The following PAM16 variants were observed in gnomAD, a reference collection of about 807,000 sequenced individuals.
The protein encoded by PAM16 is presequence translocase associated motor 16.
A neutral mutation model predicts 17.9 loss-of-function variants in PAM16; 11 were observed. That is an observed-to-expected ratio of 0.62 (90% confidence interval 0.39 to 1.02). The LOEUF is 1.02. PAM16 is among the 50% of genes least tolerant of loss of function. PAM16 has a pLI of 0.01. For missense variants in PAM16, 199 were observed against 165.4 expected (o/e 1.20, Z -1.11); for synonymous variants, 72 against 67.4 (o/e 1.07, Z -0.34).
At chr16:4,343,337 C>T in intron 1 of PAM16, 46 bp from the exon 2 acceptor site, 1 of 1,562,914 alleles carries the variant, frequency 6.4e-7, no homozygotes, top group Non-Finnish European at 8.7e-7. Context: ...TCCCTGTGGG[C>T]CCACAGAGAT....
At chr16:4,343,150 GA>G in intron 2 of PAM16, 56 bp downstream of exon 2, 3 of 1,610,728 alleles carry the variant, frequency 1.9e-6, no homozygotes, top group Non-Finnish European at 2.5e-6. Context: ...TGGCTACGGG[GA>G]AAATCTGACC....
intron 1 of PAM16, among the ~76,000 whole-genome samples, chr16:4,344,569 T>C (rs866431643): frequency 1.5e-3 from 38 of 25,864 alleles, no homozygotes; most frequent in South Asian, 3.7e-3. Context: ...GAGGGGGTTC[T>C]GTGAGAGGAG....
At position 4,343,259 on chromosome 16, in the gene PAM16, G is replaced by A. The variant is rs750649493; in HGVS notation, c.36C>T (p.Gly12=). 1.4e-5 allele frequency: 23 copies of A among 1,612,670 alleles called. No individual in the cohort carries two copies. The highest frequency in any genetic ancestry group is 1.3e-4 in the East Asian group (6 of 44,882). Reference sequence around the variant, plus strand: ...CAAAGGCCCTGCCCACCACCTGCACGCCCATCACAATGATCTGGGCCAGGT... The same window carrying A: ...CAAAGGCCCTGCCCACCACCTGCACACCCATCACAATGATCTGGGCCAGGT... The part of the protein sequence containing the change: ...AKYLAQIIVM[G]VQVVGRAFAR... Residue 12 remains glycine (G), a synonymous_variant, in exon 2 of 5, where the codon GGC becomes GGT. Coordinates refer to ENST00000318059, the MANE Select transcript of PAM16 (RefSeq NM_016069.11).
intron 1 of PAM16, among the ~76,000 whole-genome samples, chr16:4,348,855 C>T (rs945905597): frequency 1.3e-5 from 2 of 151,820 alleles, no homozygotes; most frequent in Non-Finnish European, 2.9e-5. Context: ...GAGGGTTTCA[C>T]CGTGTTGCCC....
In PAM16 at chr16:4,343,375, A is replaced by C. The variant is rs2289303; in HGVS notation, c.4-84T>G. On this transcript the variant is annotated intron_variant, in intron 1 of 4. Coordinates refer to ENST00000318059, the MANE Select transcript of PAM16 (RefSeq NM_016069.11). ...GCCCTGGAAACGGCTGCCGAGGGGC[A>C]AGGCTCCCGGAGACCCGAGGTCATG... is the stretch of plus-strand genomic sequence containing the variant. The C allele has an allele frequency of 0.13, 194,820 of 1,525,228 alleles. 14,999 individuals are homozygous for C. The highest frequency in any genetic ancestry group is 0.35 in the African/African-American group (25,398 of 71,782). The allele number at this position is 1,525,228 out of a possible 1,614,324, so 94.5% of individuals were successfully genotyped here.
intron 1 of PAM16, among the ~76,000 whole-genome samples, chr16:4,350,202 C>A (rs2053827078): frequency 6.6e-6 from 1 of 151,506 alleles, no homozygotes; most frequent in Non-Finnish European, 1.5e-5. Flanking sequence ...GCAGCCTCTG[C>A]CTCCTGGGTT....
intron 1 of PAM16, among the ~76,000 whole-genome samples, chr16:4,350,703 C>G (rs2053838206): frequency 6.6e-6 from 1 of 152,154 alleles, no homozygotes; most frequent in African/African-American, 2.4e-5. Context: ...CCCAGCCAAA[C>G]CTGCACTTTT....
intron 1 of PAM16, among the ~76,000 whole-genome samples, chr16:4,350,671 A>G (rs2053837375): frequency 6.6e-6 from 1 of 152,110 alleles, no homozygotes; most frequent in Non-Finnish European, 1.5e-5. Flanking sequence ...GAGTGCTGGG[A>G]TTACAGGCGT....
intron 1 of PAM16, among the ~76,000 whole-genome samples, chr16:4,346,290 A>G (rs2053758281): frequency 6.6e-6 from 1 of 152,246 alleles, no homozygotes; most frequent in Non-Finnish European, 1.5e-5. Context: ...GCTATCTGAC[A>G]TAGACACGTT....
chr16:4,349,697 T>C (rs1341866604), intron 1 of PAM16, among the ~76,000 whole-genome samples: 1 of 151,536 alleles, frequency 6.6e-6, no homozygotes. Context: ...AGCCTAGGAG[T>C]TCAAGGCTGC....
At chr16:4,350,364 T>A (rs1039005358) in intron 1 of PAM16, among the ~76,000 whole-genome samples, 6 of 149,780 alleles carry the variant, frequency 4.0e-5, no homozygotes, top group African/African-American at 1.5e-4. Context: ...CATAATAATA[T>A]GTAGTATACA....
intron 1 of PAM16, 76 bp downstream of exon 1, chr16:4,351,156 G>C: frequency 1.1e-6 from 1 of 877,988 alleles, no homozygotes; most frequent in Non-Finnish European, 1.5e-6. Context: ...CGCCCAGCCC[G>C]GAGCTCGCCG....
In PAM16 at chr16:4,343,295, T is replaced by C. The variant is rs2053679230; in HGVS notation, c.4-4A>G. The C allele has an allele frequency of 1.9e-6, 3 of 1,606,926 alleles. No individual in the cohort carries two copies. Among genetic ancestry groups the C allele is most frequent in the Non-Finnish European group, 2.5e-6 (3 of 1,177,324 alleles). On this transcript the variant is annotated splice_region_variant and splice_polypyrimidine_tract_variant and intron_variant, in intron 1 of 4. Coordinates refer to ENST00000318059, the MANE Select transcript of PAM16 (RefSeq NM_016069.11). ...TGATCTGGGCCAGGTACTTGGCCTG[T>C]GGGCAAAGCAGGCACCCGGTTAGCA...
At chr16:4,341,550 T>C in intron 2 of PAM16, 46 bp from the exon 3 acceptor site, 1 of 1,562,078 alleles carries the variant, frequency 6.4e-7, no homozygotes, top group South Asian at 1.2e-5. Flanking sequence ...CAGCCCACAC[T>C]TCACCCTGGG....
rs1426564119 is a variant in PAM16, at chr16:4,341,392, C to T, written c.201G>A (p.Lys67=). The stretch of plus-strand genomic sequence containing the variant: ...CCTTCTGGACCTCCTCAGGGCTCAG[C>T]TTGGACACGTTGAGAATCTGCTGTG... ...QEAQQILNVS[K]LSPEEVQKNY... is the part of the protein sequence containing the mutation. Residue 67 remains lysine, a synonymous_variant, in exon 3 of 5, where the codon AAG becomes AAA. Transcript: ENST00000318059. 1.3e-6 allele frequency: 2 copies of T among 1,589,868 alleles called. No individual in the cohort carries two copies. Among genetic ancestry groups the T allele is most frequent in the Non-Finnish European group, 1.7e-6 (2 of 1,168,556 alleles).
intron 1 of PAM16, among the ~76,000 whole-genome samples, chr16:4,344,529 A>G (rs1248206167): frequency 2.3e-3 from 22 of 9,676 alleles, no homozygotes; most frequent in East Asian, 2.6e-3. Context: ...AGAGAAGGGG[A>G]CTGTGTGAGA....
At chr16:4,346,908 G>C (rs1179620488) in intron 1 of PAM16, 1 of 152,116 alleles carries the variant, frequency 6.6e-6, no homozygotes, top group Non-Finnish European at 1.5e-5. Context: ...TAATAGAGAC[G>C]AGGTTTCACC....
intron 1 of PAM16, among the ~76,000 whole-genome samples, chr16:4,345,011 G>T (rs2053732479): frequency 6.6e-6 from 1 of 152,018 alleles, no homozygotes; most frequent in Non-Finnish European, 1.5e-5. Flanking sequence ...AGCCTAGGCT[G>T]GCCTGGGAAA....
intron 1 of PAM16, chr16:4,344,144 CAG>C (rs1174515964): frequency 2.5e-6 from 1 of 394,534 alleles, no homozygotes; most frequent in Non-Finnish European, 4.4e-6. Context: ...GCGGAAGCAA[CAG>C]AGTCGAGGGA....
Sources: gnomAD v4.1 joint callset for allele counts (sites outside exome capture counted in the v4.1 genomes callset) on GRCh38, gnomAD v4.1.1 for gene constraint, MANE v1.5 for transcripts, NCBI Gene and HGNC (gene_info 2026-07-23, HGNC 2026-07-21) for gene names.